MARCHF8: variants seen among roughly 807,000 people sequenced by gnomAD.
MARCHF8 encodes the protein E3 ubiquitin-protein ligase MARCHF8.
Under a neutral mutation model 51.6 loss-of-function variants are expected in MARCHF8, and 40 were observed. The observed-to-expected ratio is 0.77, with a 90% CI of 0.60 to 1.01. The LOEUF (loss-of-function observed/expected upper bound fraction) is 1.01. Ranked by LOEUF, MARCHF8 falls within the 50% of genes least tolerant of loss-of-function variation. The probability of loss-of-function intolerance (pLI) is 0.00; values close to 1 mark genes in which losing one functional copy is unlikely to be tolerated. For missense variants in MARCHF8, 685 were observed against 708.6 expected (o/e 0.97, Z 0.38); for synonymous variants, 263 against 280.3 (o/e 0.94, Z 0.62).
At chr10:45,551,101 C>G (rs1448759931) in intron 1 of MARCHF8, among the ~76,000 whole-genome samples, 1 of 152,174 alleles carries the variant, frequency 6.6e-6, no homozygotes, top group Non-Finnish European at 1.5e-5. Flanking sequence ...AGTGATCCAC[C>G]TGCTCTAGGT....
chr10:45,470,663 T>G (rs1843143950), intron 3 of MARCHF8, among the ~76,000 whole-genome samples: 1 of 152,182 alleles, frequency 6.6e-6, no homozygotes, highest in South Asian at 2.1e-4. Context: ...ATCACTTTTT[T>G]ATTTGTGCTT....
intron 1 of MARCHF8, among the ~76,000 whole-genome samples, chr10:45,551,156 A>G (rs1439311550): frequency 6.6e-6 from 1 of 152,210 alleles, no homozygotes; most frequent in East Asian, 1.9e-4. Context: ...ATATACAATG[A>G]GAGTAATGCC....
At chr10:45,574,698 A>C (rs1345894173) in intron 1 of MARCHF8, among the ~76,000 whole-genome samples, 3 of 152,190 alleles carry the variant, frequency 2.0e-5, no homozygotes, top group Non-Finnish European at 4.4e-5. Flanking sequence ...TCCTGTCTGC[A>C]TGTGGCGGCT....
chr10:45,540,969 TG>T (rs1286970474), intron 1 of MARCHF8, among the ~76,000 whole-genome samples: 3 of 152,238 alleles, frequency 2.0e-5, no homozygotes, highest in South Asian at 2.1e-4. Flanking sequence ...ACACTGTTGG[TG>T]GGACAGTAAA....
intron 1 of MARCHF8, among the ~76,000 whole-genome samples, chr10:45,534,335 G>T (rs899483846): frequency 6.6e-6 from 1 of 152,116 alleles, no homozygotes; most frequent in African/African-American, 2.4e-5. Context: ...GTTTCCTAGG[G>T]AATATGAAGG....
At chr10:45,505,832 A>G (rs1329654706) in intron 2 of MARCHF8, among the ~76,000 whole-genome samples, 3 of 152,240 alleles carry the variant, frequency 2.0e-5, no homozygotes, top group South Asian at 2.1e-4. Flanking sequence ...CTCACCACGA[A>G]TCAATTAAGA....
chr10:45,503,824 T>TATGA (rs3086171), intron 2 of MARCHF8, among the ~76,000 whole-genome samples: 147,314 of 152,202 alleles, frequency 0.97, 71,312 homozygotes, highest in East Asian at 1. Context: ...CATACTACAA[T>TATGA]ATGAACCCTG....
chr10:45,509,093 C>CT (rs372029879), intron 2 of MARCHF8, among the ~76,000 whole-genome samples: 6 of 152,200 alleles, frequency 3.9e-5, no homozygotes, highest in South Asian at 2.1e-4. Context: ...ATGCCAGGTA[C>CT]TTTGGGGCAC....
At chr10:45,469,686 A>G (rs558425361) in intron 3 of MARCHF8, among the ~76,000 whole-genome samples, 5 of 152,080 alleles carry the variant, frequency 3.3e-5, no homozygotes, top group Non-Finnish European at 7.4e-5. Context: ...TAACACGGTG[A>G]AACCCCGTCT....
intron 1 of MARCHF8, among the ~76,000 whole-genome samples, chr10:45,565,975 A>G (rs1178241401): frequency 3.3e-5 from 5 of 152,220 alleles, no homozygotes; most frequent in Admixed American, 2.0e-4. Context: ...CTTATCTAAT[A>G]CATGTATTTT....
chr10:45,541,739 T>C (rs1418587947), intron 1 of MARCHF8, among the ~76,000 whole-genome samples: 1 of 151,844 alleles, frequency 6.6e-6, no homozygotes, highest in African/African-American at 2.4e-5. Context: ...TATAACCAAA[T>C]TGGGAGGATG....
intron 1 of MARCHF8, among the ~76,000 whole-genome samples, chr10:45,589,758 T>C (rs554729898): frequency 1.5e-4 from 23 of 152,376 alleles, no homozygotes; most frequent in Admixed American, 9.1e-4. Flanking sequence ...TTCCTTTTTA[T>C]TCCTGAATAA....
Position 45,463,531 on chromosome 10 carries a change from C to A in MARCHF8, c.708G>T (p.Gly236=). 1.3e-6 allele frequency: 2 copies of A among 1,550,654 alleles called. No individual in the cohort carries two copies. Among genetic ancestry groups the A allele is most frequent in the Admixed American group, 2.0e-5 (1 of 51,018 alleles). ...CTTCCAGCAGCAGGCCGGGCCTGCC[C>A]CCCTTGCCAGCTTCCACCTCTGAGG... The part of the protein sequence containing the change: ...STASEVEAGK[G]GRPGLLLEEK... The change falls in exon 5 of 8, where the codon GGG becomes GGT. Residue 236 remains glycine (G), a synonymous_variant. Coordinates refer to ENST00000453424, the MANE Select transcript of MARCHF8 (RefSeq NM_001282866.2).
In MARCHF8 at chr10:45,458,096, G is replaced by A; in HGVS notation, c.*143C>T. On this transcript the variant is annotated 3_prime_UTR_variant, in exon 8 of 8. Transcript: ENST00000453424. ...GGAAGGTTTTCTAGGAGACTAAGGA[G>A]GGTTTAGAAAAAGAGAAGCCACTAT... The A allele has an allele frequency of 1.1e-6, 1 of 881,238 alleles. No individual in the cohort carries two copies. Among genetic ancestry groups the A allele is most frequent in the Non-Finnish European group, 1.7e-6 (1 of 599,984 alleles). 54.6% of individuals were successfully genotyped at this position (881,238 alleles called of 1,614,324 possible). A position where few individuals can be genotyped will look rare whatever the true frequency, so the allele number is the denominator to read the frequency against.
chr10:45,509,298 A>T (rs2043449459), intron 2 of MARCHF8, among the ~76,000 whole-genome samples: 1 of 152,226 alleles, frequency 6.6e-6, no homozygotes, highest in Non-Finnish European at 1.5e-5. Context: ...AATATTGTTG[A>T]TGCTGTTTGA....
At position 45,461,263 on chromosome 10, in the gene MARCHF8, T is replaced by C. The variant is rs1270054128; in HGVS notation, c.1237A>G (p.Ile413Val). Residue 413 changes from isoleucine (I) to valine (V), a missense_variant, in exon 6 of 8, where the codon ATC (isoleucine) becomes GTC (valine). Transcript: ENST00000453424. Reference protein sequence around the residue: ...RCCELCKYEFIMETKLKPLRK... With the variant: ...RCCELCKYEFVMETKLKPLRK... Reference sequence around the variant, plus strand: ...AGTGGCTTCAGCTTGGTCTCCATGATGAACTCATACTTGCAGAGCTCGCAG... The same window carrying C: ...AGTGGCTTCAGCTTGGTCTCCATGACGAACTCATACTTGCAGAGCTCGCAG... The C allele has an allele frequency of 3.2e-6, 5 of 1,570,288 alleles. No individual in the cohort carries two copies. Among genetic ancestry groups the C allele is most frequent in the Admixed American group, 1.9e-5 (1 of 53,072 alleles).
In MARCHF8 at chr10:45,456,678, G is replaced by C. The variant is rs1474215483; in HGVS notation, c.*1561C>G. 2.6e-5 allele frequency: 4 copies of C among 152,194 alleles called. No homozygotes were observed. The highest frequency in any genetic ancestry group is 4.1e-4 in the South Asian group (2 of 4,824). The allele number at this position is 152,194 out of a possible 1,614,324, so 9.4% of individuals were successfully genotyped here. On this transcript the variant is annotated 3_prime_UTR_variant, in exon 8 of 8. Coordinates refer to ENST00000453424, the MANE Select transcript of MARCHF8 (RefSeq NM_001282866.2). ...CTCCGTGCAGGCTGGGTGAGAGAAT[G>C]GCCTGGAAAGGAAGCATCTGCGCTA...
intron 1 of MARCHF8, among the ~76,000 whole-genome samples, chr10:45,551,740 G>T (rs142642469): frequency 9.9e-5 from 15 of 151,910 alleles, no homozygotes; most frequent in Non-Finnish European, 1.9e-4. Flanking sequence ...TACAGATTTT[G>T]GACTTGTTAG....
intron 3 of MARCHF8, among the ~76,000 whole-genome samples, chr10:45,485,140 T>C (rs1013143547): frequency 6.6e-6 from 1 of 152,180 alleles, no homozygotes; most frequent in African/African-American, 2.4e-5. Flanking sequence ...CAGCATGTAC[T>C]GACAACCTCC....
Sources: allele counts gnomAD v4.1 joint callset (sites outside exome capture counted in the v4.1 genomes callset), GRCh38; gene constraint gnomAD v4.1.1; transcripts MANE v1.5; gene names NCBI Gene and HGNC (gene_info 2026-07-23, HGNC 2026-07-21).